Variants in ERC2 observed in about 807,000 individuals in gnomAD.
The protein encoded by ERC2 is ELKS/RAB6-interacting/CAST family member 2, also known as ERC protein 2.
Under a neutral mutation model 114.8 loss-of-function variants are expected in ERC2, and 42 were observed. That is an observed-to-expected ratio of 0.37 (90% CI 0.29 to 0.47). The LOEUF is 0.47. Ranked by LOEUF, ERC2 falls within the 20% of genes least tolerant of loss-of-function variation. ERC2 has a pLI of 0.99. For missense variants in ERC2, 939 were observed against 1,150.7 expected (o/e 0.82, Z 2.66); for synonymous variants, 454 against 425.5 (o/e 1.07, Z -0.82).
intron 13 of ERC2, among the ~76,000 whole-genome samples, chr3:55,938,943 T>C (rs1219662041): frequency 6.6e-6 from 1 of 152,172 alleles, no homozygotes; most frequent in East Asian, 1.9e-4. Flanking sequence ...CAGTCATCAA[T>C]TTTTTTAAAA....
At chr3:55,855,789 C>T (rs1021450183) in intron 14 of ERC2, among the ~76,000 whole-genome samples, 4 of 152,150 alleles carry the variant, frequency 2.6e-5, no homozygotes, top group Non-Finnish European at 5.9e-5. Context: ...AAAGCAAATG[C>T]TAGAATGCCT....
At chr3:55,791,436 T>C (rs889888260) in intron 14 of ERC2, among the ~76,000 whole-genome samples, 2 of 152,140 alleles carry the variant, frequency 1.3e-5, no homozygotes, top group South Asian at 2.1e-4. Context: ...AGACATGTAA[T>C]GAACTATATT....
chr3:55,792,605 G>A (rs1455159054), intron 14 of ERC2, among the ~76,000 whole-genome samples: 1 of 152,200 alleles, frequency 6.6e-6, no homozygotes, highest in African/African-American at 2.4e-5. Flanking sequence ...GCAATGAAAT[G>A]TGAAGGTGAA....
chr3:56,351,568 CA>C (rs2150527613), intron 2 of ERC2, among the ~76,000 whole-genome samples: 1 of 152,292 alleles, frequency 6.6e-6, no homozygotes, highest in Non-Finnish European at 1.5e-5. Context: ...CTAAGCAGCT[CA>C]TTACATGTTC....
chr3:56,005,520 TTTAATTACTA>T (rs1349564658), intron 10 of ERC2, among the ~76,000 whole-genome samples: 1 of 152,080 alleles, frequency 6.6e-6, no homozygotes, highest in Non-Finnish European at 1.5e-5. Context: ...ATCTCTTCCT[TTTAATTACTA>T]GTGGATTTCA....
intron 14 of ERC2, among the ~76,000 whole-genome samples, chr3:55,873,985 C>T (rs1454460781): frequency 1.3e-5 from 2 of 152,146 alleles, no homozygotes; most frequent in African/African-American, 4.8e-5. Context: ...AACTGACTTC[C>T]CAGCATGATT....
intron 17 of ERC2, among the ~76,000 whole-genome samples, chr3:55,623,827 T>C (rs1241343345): frequency 6.6e-6 from 1 of 152,250 alleles, no homozygotes; most frequent in East Asian, 1.9e-4. Flanking sequence ...GCTCTCGCCA[T>C]TGTTCCATCT....
At chr3:55,613,814 C>G (rs1417691600) in intron 17 of ERC2, among the ~76,000 whole-genome samples, 1 of 151,728 alleles carries the variant, frequency 6.6e-6, no homozygotes, top group Non-Finnish European at 1.5e-5. Flanking sequence ...AACCCCATCT[C>G]TACTAAAAAA....
In ERC2 at chr3:55,603,643, C is replaced by CAAAAAAAA; in HGVS notation, c.*39+80143_*39+80150dup. Among the ~76,000 whole-genome samples, 2 of 67,390 alleles carry CAAAAAAAA rather than the reference C, an allele frequency of 3.0e-5. 1 individual carries two copies. The highest frequency in any genetic ancestry group is 6.0e-5 in the Non-Finnish European group (2 of 33,128). The allele number at this position is 67,390 out of a possible 152,430, so 44.2% of individuals were successfully genotyped here. On this transcript the variant is annotated intron_variant, in intron 17 of 17. Coordinates refer to ENST00000288221, the MANE Select transcript of ERC2 (RefSeq NM_015576.3). ...TGGGTGACGGAGTGAGACTCTGTCTCAAAAAAAAAAAAAAAAAAAGCCCTT... is the reference window on the plus strand; with the variant it reads ...TGGGTGACGGAGTGAGACTCTGTCTCAAAAAAAAAAAAAAAAAAAAAAAAAAAGCCCTT...
At chr3:56,308,103 C>T (rs1160944082) in intron 2 of ERC2, among the ~76,000 whole-genome samples, 1 of 152,150 alleles carries the variant, frequency 6.6e-6, no homozygotes, top group African/African-American at 2.4e-5. Context: ...GCCTCACATC[C>T]ACCACTCACT....
intron 7 of ERC2, among the ~76,000 whole-genome samples, chr3:56,019,771 G>A (rs1470559602): frequency 6.6e-6 from 1 of 152,030 alleles, no homozygotes; most frequent in Non-Finnish European, 1.5e-5. Flanking sequence ...CTTTCTCCTG[G>A]GCATTGAGGA....
chr3:56,281,967 A>T (rs1243387691), intron 3 of ERC2, among the ~76,000 whole-genome samples: 1 of 152,198 alleles, frequency 6.6e-6, no homozygotes, highest in Non-Finnish European at 1.5e-5. Flanking sequence ...TTACAAGGAG[A>T]CCAACTGATC....
chr3:55,786,934 G>C (rs1014250397), intron 14 of ERC2, among the ~76,000 whole-genome samples: 1 of 152,144 alleles, frequency 6.6e-6, no homozygotes, highest in African/African-American at 2.4e-5. Flanking sequence ...GTCACTCCCA[G>C]TACTTCACAG....
intron 17 of ERC2, among the ~76,000 whole-genome samples, chr3:55,581,340 A>T (rs552185416): frequency 6.6e-6 from 1 of 152,328 alleles, no homozygotes; most frequent in East Asian, 1.9e-4. Flanking sequence ...TGGGGAAAAA[A>T]GGTGAGACAT....
chr3:56,098,115 A>G (rs1293958700), intron 6 of ERC2, among the ~76,000 whole-genome samples: 1 of 152,214 alleles, frequency 6.6e-6, no homozygotes, highest in Non-Finnish European at 1.5e-5. Flanking sequence ...GGGGATGAAT[A>G]TGTCTAGAAA....
At chr3:55,780,662 T>C (rs1430237244) in intron 14 of ERC2, among the ~76,000 whole-genome samples, 1 of 152,258 alleles carries the variant, frequency 6.6e-6, no homozygotes, top group Non-Finnish European at 1.5e-5. Flanking sequence ...ATGAGCATTT[T>C]ACAAGTGCAT....
chr3:56,369,170 TG>T (rs2059267427), intron 2 of ERC2, among the ~76,000 whole-genome samples: 1 of 152,236 alleles, frequency 6.6e-6, no homozygotes, highest in Non-Finnish European at 1.5e-5. Context: ...TCCTAGTTGT[TG>T]TCCACTCATA....
At chr3:56,302,126 T>G (rs1056395368) in intron 2 of ERC2, among the ~76,000 whole-genome samples, 2 of 152,196 alleles carry the variant, frequency 1.3e-5, no homozygotes, top group South Asian at 4.1e-4. Flanking sequence ...ACAAGAAAAT[T>G]GTATCCACAC....
At position 55,602,215 on chromosome 3, in the gene ERC2, G is replaced by A. The variant is rs769424352; in HGVS notation, c.*39+81579C>T. 5.3e-5 allele frequency among the ~76,000 whole-genome samples: 8 copies of A among 152,178 alleles called. No individual in the cohort carries two copies. In the East Asian group the frequency reaches 7.7e-4, roughly 15 times the overall value. On this transcript the variant is annotated intron_variant, in intron 17 of 17. Coordinates refer to ENST00000288221, the MANE Select transcript of ERC2 (RefSeq NM_015576.3). ...AACAAAGAATCTGCCGTCAAACTGC[G>A]TCCTGGACAGAAGGACATGTGAGAC...
Sources: gnomAD v4.1 joint callset for allele counts (sites outside exome capture counted in the v4.1 genomes callset) on GRCh38, gnomAD v4.1.1 for gene constraint, MANE v1.5 for transcripts, NCBI Gene and HGNC (gene_info 2026-07-23, HGNC 2026-07-21) for gene names.